MCM9: variants seen among roughly 807,000 people sequenced by gnomAD.
MCM9 encodes the protein minichromosome maintenance 9 homologous recombination repair factor, also known as DNA helicase MCM9.
Under a neutral mutation model 72.8 loss-of-function variants are expected in MCM9, and 55 were observed. The observed-to-expected ratio is 0.76, with a 90% CI of 0.61 to 0.95. MCM9 has a LOEUF of 0.95. MCM9 is among the 40% of genes least tolerant of loss of function. MCM9 has a pLI of 0.00. For missense variants in MCM9, 1,279 were observed against 1,377.0 expected (o/e 0.93, Z 1.13); for synonymous variants, 480 against 503.4 (o/e 0.95, Z 0.62).
chr6:118,913,747 G>A (rs1337954501), intron 6 of MCM9, among the ~76,000 whole-genome samples: 2 of 152,014 alleles, frequency 1.3e-5, no homozygotes. Context: ...CAGCAGGTGT[G>A]CAGCACCACG....
intron 8 of MCM9, among the ~76,000 whole-genome samples, chr6:118,877,621 G>C (rs1778018631): frequency 6.6e-6 from 1 of 152,142 alleles, no homozygotes; most frequent in African/African-American, 2.4e-5. Flanking sequence ...CAACTATTTT[G>C]GAAAAGAGTT....
intron 9 of MCM9, among the ~76,000 whole-genome samples, chr6:118,847,109 G>A (rs1000963706): frequency 2.0e-5 from 3 of 151,808 alleles, no homozygotes; most frequent in Admixed American, 6.5e-5. Context: ...ATCCAGAGAT[G>A]ATAAAACTGA....
chr6:118,844,275 C>T (rs1440993627), intron 9 of MCM9, among the ~76,000 whole-genome samples: 1 of 151,692 alleles, frequency 6.6e-6, no homozygotes, highest in Non-Finnish European at 1.5e-5. Context: ...ATTCTGAAAA[C>T]TGGTAGCCAA....
intron 13 of MCM9, among the ~76,000 whole-genome samples, chr6:118,817,150 T>C (rs1773459340): frequency 1.3e-5 from 2 of 152,162 alleles, no homozygotes; most frequent in African/African-American, 2.4e-5. Flanking sequence ...CTTTAAGTTC[T>C]GGGATACATT....
Position 118,828,115 on chromosome 6 carries a change from G to A in MCM9, c.1544C>T (p.Ser515Leu), listed in dbSNP as rs1364173567. 6.5e-7 allele frequency: 1 copy of A among 1,550,214 alleles called. No individual in the cohort carries two copies. Among genetic ancestry groups the A allele is most frequent in the African/African-American group, 1.4e-5 (1 of 73,026 alleles). Reference protein sequence around the residue: ...ILENKGYPSKSEKLWSMEKMK... With the variant: ...ILENKGYPSKLEKLWSMEKMK... ...CTTTTCCATGCTCCAGAGCTTCTCT[G>A]ATTTGCTTGGGTAACCTGTATGTAT... Residue 515 changes from serine (S) to leucine (L), a missense_variant, in exon 11 of 14, where the codon TCA becomes TTA. Ser to Leu is a moderately radical substitution (Grantham distance 145). Coordinates refer to ENST00000619706, the MANE Select transcript of MCM9 (RefSeq NM_017696.3).
At chr6:118,821,214 A>C (rs409849) in intron 13 of MCM9, among the ~76,000 whole-genome samples, 134,578 of 152,178 alleles carry the variant, frequency 0.88, 60,256 homozygotes, top group Non-Finnish European at 0.95. Context: ...GTTTCTTCAT[A>C]GCATCAACGG....
intron 13 of MCM9, among the ~76,000 whole-genome samples, chr6:118,824,114 C>T (rs768925354): frequency 1.5e-5 from 2 of 136,714 alleles, no homozygotes; most frequent in South Asian, 2.3e-4. Context: ...TGCAGTGGCA[C>T]GATCACGGCT....
intron 8 of MCM9, among the ~76,000 whole-genome samples, chr6:118,879,732 T>TA (rs568419067): frequency 2.4e-3 from 333 of 140,134 alleles, no homozygotes; most frequent in Middle Eastern, 3.6e-3. Context: ...GACATCAAAT[T>TA]AAAAAAAAAA....
chr6:118,816,392 T>A (rs989192693), intron 13 of MCM9, 98 bp from the exon 14 acceptor site: 1 of 1,026,522 alleles, frequency 9.7e-7, no homozygotes, highest in Non-Finnish European at 1.3e-6. Context: ...TCTTAAAGAT[T>A]TAAGTCCCAC....
Position 118,843,655 on chromosome 6 carries a change from T to TATATACATGTATATATATATATATATAC in MCM9, c.1325+12715_1325+12716insGTATATATATATATATATACATGTATAT, listed in dbSNP as rs1491542240. 2.3e-4 allele frequency among the ~76,000 whole-genome samples: 9 copies of TATATACATGTATATATATATATATATAC among 38,616 alleles called. 1 individual carries two copies. The highest frequency in any genetic ancestry group is 8.9e-4 in the African/African-American group (9 of 10,126). 25.3% of individuals were successfully genotyped at this position (38,616 alleles called of 152,430 possible). ...ACAAAACAAAACATATATATATATA[T>TATATACATGTATATATATATATATATAC]GTGTATATATATATGTATGTATATA... On this transcript the variant is annotated intron_variant, in intron 9 of 13. Coordinates refer to ENST00000619706, the MANE Select transcript of MCM9 (RefSeq NM_017696.3).
At chr6:118,878,241 C>A (rs990276585) in intron 8 of MCM9, among the ~76,000 whole-genome samples, 1 of 151,678 alleles carries the variant, frequency 6.6e-6, no homozygotes, top group Non-Finnish European at 1.5e-5. Context: ...TAATACTGAT[C>A]AAAAAATACA....
At chr6:118,903,857 G>A (rs1779983242) in intron 8 of MCM9, among the ~76,000 whole-genome samples, 1 of 152,042 alleles carries the variant, frequency 6.6e-6, no homozygotes, top group Non-Finnish European at 1.5e-5. Context: ...AAAGTGCTAG[G>A]ATTACAGGCG....
intron 6 of MCM9, among the ~76,000 whole-genome samples, chr6:118,917,091 G>A (rs893980716): frequency 2.0e-5 from 3 of 152,094 alleles, no homozygotes; most frequent in Non-Finnish European, 4.4e-5. Context: ...ATTTTTGCTT[G>A]TGATGACAAA....
intron 8 of MCM9, among the ~76,000 whole-genome samples, chr6:118,904,737 A>G (rs1465342968): frequency 2.0e-5 from 3 of 152,258 alleles, no homozygotes; most frequent in African/African-American, 7.2e-5. Flanking sequence ...TGGTTTAAAG[A>G]GCATACTATA....
At chr6:118,841,030 G>C (rs759559287) in intron 9 of MCM9, among the ~76,000 whole-genome samples, 1 of 152,190 alleles carries the variant, frequency 6.6e-6, no homozygotes, top group African/African-American at 2.4e-5. Context: ...TTACAGGAGT[G>C]AGCCACTGCG....
chr6:118,870,215 T>C (rs1562417479), intron 8 of MCM9, among the ~76,000 whole-genome samples: 1 of 152,160 alleles, frequency 6.6e-6, no homozygotes, highest in Non-Finnish European at 1.5e-5. Flanking sequence ...TTCTCAGGAA[T>C]ACACAAAATA....
intron 3 of MCM9, among the ~76,000 whole-genome samples, 181 bp downstream of exon 3, chr6:118,931,239 T>TC (rs1417569211): frequency 6.6e-6 from 1 of 152,204 alleles, no homozygotes; most frequent in Non-Finnish European, 1.5e-5. Flanking sequence ...TGGGCAAGAC[T>TC]CATACTTCAT....
At chr6:118,911,402 A>G in intron 8 of MCM9, 2 of 1,218,960 alleles carry the variant, frequency 1.6e-6, no homozygotes, top group Non-Finnish European at 2.0e-6. Flanking sequence ...TAAAAGTATG[A>G]AGGTAATCAC....
At chr6:118,843,753 T>C (rs935979124) in intron 9 of MCM9, among the ~76,000 whole-genome samples, 7 of 143,554 alleles carry the variant, frequency 4.9e-5, no homozygotes, top group Admixed American at 7.0e-5. Context: ...AGAAATTTCA[T>C]GTAGCCTTGG....
Sources: gnomAD v4.1 joint callset for allele counts (sites outside exome capture counted in the v4.1 genomes callset) on GRCh38, gnomAD v4.1.1 for gene constraint, MANE v1.5 for transcripts, NCBI Gene and HGNC (gene_info 2026-07-23, HGNC 2026-07-21) for gene names.